The following CHD1L variants were observed in gnomAD, a reference collection of about 807,000 sequenced individuals.
CHD1L encodes the protein ATP-dependent chromatin remodeler CHD1L.
In CHD1L, 118 loss-of-function variants were observed where a neutral mutation model predicts 115.9. That is an observed-to-expected ratio of 1.02 (90% CI 0.88 to 1.19). The LOEUF is 1.19. Among genes scored for constraint, CHD1L ranks in the 50% most tolerant of loss-of-function variants. The pLI, the probability that CHD1L is intolerant of heterozygous loss-of-function variation, is 0.00. For synonymous variants in CHD1L, 411 were observed against 387.1 expected, an observed-to-expected ratio of 1.06 and a Z score of -0.72; for missense variants, 1,179 against 1,065.3, an observed-to-expected ratio of 1.11 and a Z score of -1.49.
intron 14 of CHD1L, among the ~76,000 whole-genome samples, chr1:147,279,427 G>C (rs1679920508): frequency 6.6e-6 from 1 of 152,198 alleles, no homozygotes. Context: ...AGAGAAGCAG[G>C]ATAGTGCAAT....
chr1:147,205,090 T>C, the CHD1L span, among the ~76,000 whole-genome samples: 2 of 152,244 alleles, frequency 1.3e-5, no homozygotes, highest in African/African-American at 2.4e-5. Context: ...TGGAGCATAA[T>C]GTATTTTTTG....
the CHD1L span, among the ~76,000 whole-genome samples, chr1:147,222,572 G>A: frequency 6.6e-6 from 1 of 152,280 alleles, no homozygotes; most frequent in Admixed American, 6.5e-5. Flanking sequence ...GGAATCATCT[G>A]GGGAGCTTTA....
At chr1:147,186,065 A>G in the CHD1L span, among the ~76,000 whole-genome samples, 1 of 152,316 alleles carries the variant, frequency 6.6e-6, no homozygotes, top group African/African-American at 2.4e-5. Flanking sequence ...ATCAAATCAC[A>G]TTTGTAGACC....
rs3737855 is a variant in CHD1L, at chr1:147,271,257, G to A, written c.1159+252G>A. 66,845 of 350,262 alleles carry A rather than the reference G, an allele frequency of 0.19. 7,783 individuals are homozygous for A. The highest frequency in any genetic ancestry group is 0.25 in the South Asian group (3,486 of 14,068). The allele number at this position is 350,262 out of a possible 1,614,324, so 21.7% of individuals were successfully genotyped here. A position where few individuals can be genotyped will look rare whatever the true frequency, so the allele number is the denominator to read the frequency against. The stretch of plus-strand genomic sequence containing the variant: ...GTTACATGATTTAAAATTATGGGCC[G>A]TGGAGCAAATGTTGTGGAAATGTTT... On this transcript the variant is annotated intron_variant, in intron 11 of 22. Coordinates refer to ENST00000369258, the MANE Select transcript of CHD1L (RefSeq NM_004284.6).
At chr1:147,271,878 G>A (rs1676382468) in intron 11 of CHD1L, among the ~76,000 whole-genome samples, 1 of 152,222 alleles carries the variant, frequency 6.6e-6, no homozygotes, top group Non-Finnish European at 1.5e-5. Context: ...ACACAGGATA[G>A]ATGCTCAGGG....
At chr1:147,279,399 C>T (rs1215401213) in intron 14 of CHD1L, among the ~76,000 whole-genome samples, 2 of 152,062 alleles carry the variant, frequency 1.3e-5, no homozygotes, top group Non-Finnish European at 2.9e-5. Context: ...TGAGAGTACT[C>T]CAGAGAGGGA....
At position 147,288,322 on chromosome 1, in the gene CHD1L, C is replaced by CATAA. The variant is rs1452486110; in HGVS notation, c.2320+590_2320+591insTAAA. On this transcript the variant is annotated intron_variant, in intron 19 of 22. Transcript: ENST00000369258. ...CCTGAGTGAGAGTGAGACCCTGTTT[C>CATAA]AATAAAAAAAAAAAAAAAAAAAAAG... Among the ~76,000 whole-genome samples the CATAA allele has an allele frequency of 3.0e-3, 264 of 87,880 alleles. 19 individuals are homozygous for CATAA. The highest frequency in any genetic ancestry group is 0.014 in the Middle Eastern group (2 of 138). The allele number at this position is 87,880 out of a possible 152,430, so 57.7% of individuals were successfully genotyped here.
At chr1:147,240,637 G>A (rs945051046), upstream of CHD1L, among the ~76,000 whole-genome samples, 15 of 152,138 alleles carry the variant, frequency 9.9e-5, no homozygotes, top group South Asian at 4.1e-4. Flanking sequence ...TGTAAAACCC[G>A]ATTGTATATT....
chr1:147,294,775 G>A (rs1342047232), intron 22 of CHD1L, among the ~76,000 whole-genome samples: 1 of 152,160 alleles, frequency 6.6e-6, no homozygotes, highest in Admixed American at 6.5e-5. Context: ...AGAATTAATT[G>A]AGCAATTGTT....
chr1:147,233,421 T>TG, the CHD1L span, among the ~76,000 whole-genome samples: 1,274 of 52,648 alleles, frequency 0.024, 8 homozygotes, highest in African/African-American at 0.048. Context: ...GGGAGGGAGG[T>TG]GGGGGGTCAG....
At chr1:147,184,745 T>C in the CHD1L span, 1 of 1,235,586 alleles carries the variant, frequency 8.1e-7, no homozygotes, top group East Asian at 2.9e-5. This position sits in a 1 kb window ranked among gnomAD's most constrained non-coding sequence, Gnocchi z 4.4. Context: ...TTAATCTTGA[T>C]AACCTAGCCG....
chr1:147,194,599 G>T, the CHD1L span, among the ~76,000 whole-genome samples: 1 of 152,124 alleles, frequency 6.6e-6, no homozygotes, highest in Non-Finnish European at 1.5e-5. Flanking sequence ...TTTCTTCCTA[G>T]CCTTGACAGT....
chr1:147,176,399 G>A, the CHD1L span: 1 of 152,144 alleles, frequency 6.6e-6, no homozygotes, highest in African/African-American at 2.4e-5. Context: ...CCCTATGAGG[G>A]TAAGCAGAAC....
At chr1:147,257,566 A>G (rs1416047950) in intron 5 of CHD1L, among the ~76,000 whole-genome samples, 1 of 152,204 alleles carries the variant, frequency 6.6e-6, no homozygotes, top group East Asian at 1.9e-4. Context: ...TAAGAAGACA[A>G]ACTCCAGTGG....
chr1:147,189,011 C>T, the CHD1L span, among the ~76,000 whole-genome samples: 1 of 152,098 alleles, frequency 6.6e-6, no homozygotes, highest in Non-Finnish European at 1.5e-5. Flanking sequence ...TACGGTGGCT[C>T]ATGCCTGTAA....
At chr1:147,284,722 G>A (rs978742397) in intron 16 of CHD1L, among the ~76,000 whole-genome samples, 1 of 152,198 alleles carries the variant, frequency 6.6e-6, no homozygotes, top group Non-Finnish European at 1.5e-5. Context: ...ACGATGTCAT[G>A]TAGGTGAAAG....
chr1:147,272,116 C>G (rs1212230279), intron 11 of CHD1L, 55 bp from the exon 12 acceptor site: 15 of 1,471,484 alleles, frequency 1.0e-5, no homozygotes, highest in Non-Finnish European at 1.4e-5. Context: ...TTTTTTATTC[C>G]CCAAAGACTA....
chr1:147,280,053 G>A lies in CHD1L; in HGVS notation c.1567G>A (p.Asp523Asn). 6.2e-7 allele frequency: 1 copy of A among 1,613,996 alleles called. No homozygotes were observed. Residue 523 changes from aspartate (D) to asparagine (N), a missense_variant, in exon 15 of 23, where the codon GAT (aspartate) becomes AAT (asparagine). Asp to Asn is a conservative substitution (Grantham distance 23, BLOSUM62 1). Transcript: ENST00000369258. ...GAGTGAGATACTCAAATTTGGTTTGGATAAACTGCTGGCCTCTGAGGGGAG... is the reference window on the plus strand; with the variant it reads ...GAGTGAGATACTCAAATTTGGTTTGAATAAACTGCTGGCCTCTGAGGGGAG... ...QLSEILKFGL[D>N]KLLASEGSTM...
the CHD1L span, among the ~76,000 whole-genome samples, chr1:147,219,697 A>T: frequency 2.6e-5 from 4 of 151,832 alleles, no homozygotes; most frequent in Non-Finnish European, 4.4e-5. Flanking sequence ...ATAACTTTTT[A>T]TTTGCAGATG....
Sources: allele counts gnomAD v4.1 joint callset (sites outside exome capture counted in the v4.1 genomes callset), GRCh38; gene constraint gnomAD v4.1.1; non-coding constraint Gnocchi (gnomAD v3.1); transcripts MANE v1.5; gene names NCBI Gene and HGNC (gene_info 2026-07-23, HGNC 2026-07-21).